Variants in SCP2 observed in about 807,000 individuals in gnomAD.
SCP2 encodes sterol carrier protein 2, also known as SCP-2/3-oxoacyl-CoA thiolase.
SCP2 carries 48 observed loss-of-function variants against 71.4 expected under a neutral mutation model. The observed-to-expected ratio is 0.67, with a 90% CI of 0.53 to 0.86. The LOEUF is 0.86. Ranked by LOEUF, SCP2 falls within the 40% of genes least tolerant of loss-of-function variation. The probability of loss-of-function intolerance (pLI) is 0.00; values close to 1 mark genes in which losing one functional copy is unlikely to be tolerated. For missense variants in SCP2, 560 were observed against 655.6 expected, an observed-to-expected ratio of 0.85 and a Z score of 1.59; for synonymous variants, 220 against 218.1, an observed-to-expected ratio of 1.01 and a Z score of -0.08.
chr1:52,973,733 C>T (rs533857879), intron 6 of SCP2, among the ~76,000 whole-genome samples: 3 of 152,252 alleles, frequency 2.0e-5, no homozygotes, highest in East Asian at 3.9e-4. Flanking sequence ...GCCACTATAC[C>T]TAGCTAATTT....
chr1:52,987,713 C>G (rs1458775484), intron 10 of SCP2, among the ~76,000 whole-genome samples: 1 of 152,036 alleles, frequency 6.6e-6, no homozygotes, highest in Admixed American at 6.6e-5. Flanking sequence ...TTAAAGCTGA[C>G]AGTTATTTTA....
At chr1:52,933,350 G>T (rs529049566) in intron 1 of SCP2, among the ~76,000 whole-genome samples, 1 of 152,180 alleles carries the variant, frequency 6.6e-6, no homozygotes, top group East Asian at 1.9e-4. Flanking sequence ...ACTTTGGGAG[G>T]CCGAGGCTTA....
chr1:52,960,506 G>GTA (rs1656256960), intron 5 of SCP2, among the ~76,000 whole-genome samples: 1 of 138,234 alleles, frequency 7.2e-6, no homozygotes, highest in African/African-American at 2.8e-5. Flanking sequence ...GTGTGTGTGT[G>GTA]TGTGTGTGTG....
At chr1:53,045,171 A>G (rs1663708434) in intron 14 of SCP2, among the ~76,000 whole-genome samples, 1 of 152,214 alleles carries the variant, frequency 6.6e-6, no homozygotes, top group African/African-American at 2.4e-5. Context: ...AGGTCAAGAC[A>G]CAGAATGTTG....
At chr1:52,990,379 G>T (rs182135695) in intron 11 of SCP2, among the ~76,000 whole-genome samples, 1 of 152,126 alleles carries the variant, frequency 6.6e-6, no homozygotes, top group Admixed American at 6.5e-5. Context: ...GGACTTACTA[G>T]ACAAAGACTT....
intron 10 of SCP2, among the ~76,000 whole-genome samples, chr1:52,984,800 GTGCTGGGATTATA>G (rs1658834218): frequency 6.7e-6 from 1 of 148,354 alleles, no homozygotes; most frequent in African/African-American, 2.5e-5. Context: ...GCCTCCCAAA[GTGCTGGGATTATA>G]GGTGTGAGCC....
intron 12 of SCP2, among the ~76,000 whole-genome samples, chr1:53,021,329 T>TTG (rs1307259655): frequency 2.7e-5 from 4 of 150,110 alleles, no homozygotes; most frequent in African/African-American, 9.9e-5. Flanking sequence ...TTTTTTTTTT[T>TTG]TTTTTGAGAT....
intron 1 of SCP2, among the ~76,000 whole-genome samples, chr1:52,928,129 G>T (rs1051576620): frequency 6.6e-6 from 1 of 152,230 alleles, no homozygotes; most frequent in Admixed American, 6.5e-5. Context: ...GATCCGTTCA[G>T]ATCGGATCTT....
chr1:53,024,808 G>A (rs1408376440), intron 12 of SCP2, among the ~76,000 whole-genome samples: 1 of 151,926 alleles, frequency 6.6e-6, no homozygotes, highest in Non-Finnish European at 1.5e-5. Flanking sequence ...CTGACCTCAG[G>A]TGATCCACCT....
intron 1 of SCP2, among the ~76,000 whole-genome samples, chr1:52,935,629 A>G (rs1391973976): frequency 2.0e-5 from 3 of 151,676 alleles, no homozygotes; most frequent in Non-Finnish European, 4.4e-5. Context: ...TGTCTCAAGA[A>G]AAAAAAAGGA....
chr1:52,994,916 A>G (rs1480889327), intron 11 of SCP2: 3 of 522,146 alleles, frequency 5.7e-6, no homozygotes, highest in Non-Finnish European at 1.1e-5. Context: ...CCTTGTGCTA[A>G]CCTGGTGGAT....
intron 6 of SCP2, among the ~76,000 whole-genome samples, chr1:52,973,607 G>A (rs759960390): frequency 8.6e-5 from 13 of 151,978 alleles, no homozygotes; most frequent in Non-Finnish European, 1.6e-4. Context: ...GGAGTCTCAC[G>A]CTGTCACCTA....
At chr1:53,041,484 A>G (rs766426576) in intron 14 of SCP2, among the ~76,000 whole-genome samples, 2 of 152,176 alleles carry the variant, frequency 1.3e-5, no homozygotes, top group Admixed American at 1.3e-4. Flanking sequence ...TTAAATATAC[A>G]TTAGAGCTTC....
At chr1:53,048,634 T>C (rs961902628) in intron 15 of SCP2, 2 of 155,304 alleles carry the variant, frequency 1.3e-5, no homozygotes, top group Non-Finnish European at 2.9e-5. Context: ...TATTTGTCTT[T>C]ATGTTTCCAG....
intron 1 of SCP2, among the ~76,000 whole-genome samples, chr1:52,933,904 C>G (rs1379296577): frequency 6.6e-6 from 1 of 152,194 alleles, no homozygotes. Flanking sequence ...CTGTTGGCAT[C>G]TTAGCATGAA....
chr1:53,023,149 C>T (rs1661870431), intron 12 of SCP2, among the ~76,000 whole-genome samples: 1 of 152,048 alleles, frequency 6.6e-6, no homozygotes, highest in Admixed American at 6.6e-5. Flanking sequence ...TTTCAGAAAA[C>T]ATTGATAAAA....
intron 6 of SCP2, among the ~76,000 whole-genome samples, chr1:52,962,204 G>A (rs1321197886): frequency 1.3e-5 from 2 of 152,054 alleles, no homozygotes; most frequent in Non-Finnish European, 2.9e-5. Flanking sequence ...GACTGGCCAT[G>A]GACTATAAAT....
At chr1:52,986,430 C>T (rs1201987862) in intron 10 of SCP2, among the ~76,000 whole-genome samples, 1 of 151,996 alleles carries the variant, frequency 6.6e-6, no homozygotes. Flanking sequence ...TAGAAACATA[C>T]CAAAAAATAA....
rs750481510 is a variant in SCP2 at position 53,038,919 on chromosome 1, A to C, written c.1341A>C (p.Glu447Asp). ...FKEIEKKLEEEGEQFVKKIGG... is the reference protein window; with the variant it reads ...FKEIEKKLEEDGEQFVKKIGG... ...CCCAGTGTTATTTTTCTTTCCAGGA[A>C]GGGGAACAGTTTGTGAAGAAAATCG... The change falls in exon 14 of 16, where the codon GAA (glutamate) becomes GAC (aspartate). Residue 447 changes from glutamate to aspartate, a missense_variant and splice_region_variant. Physicochemically the swap from Glu to Asp is conservative, Grantham distance 45. Around this residue, in one of 3 missense-constraint regions of SCP2, gnomAD observed 513 missense variants for 573.1 expected, o/e 0.90. Coordinates refer to ENST00000371514, the MANE Select transcript of SCP2 (RefSeq NM_002979.5). The C allele has an allele frequency of 6.2e-7, 1 of 1,613,996 alleles. No homozygotes were observed.
Sources: allele counts gnomAD v4.1 joint callset (sites outside exome capture counted in the v4.1 genomes callset), GRCh38; gene constraint gnomAD v4.1.1; regional missense constraint gnomAD v4.1.1; transcripts MANE v1.5; gene names NCBI Gene and HGNC (gene_info 2026-07-23, HGNC 2026-07-21).